The following CSNK1G3 variants were observed in gnomAD, a reference collection of about 807,000 sequenced individuals.
The protein encoded by CSNK1G3 is casein kinase 1 gamma 3.
Under a neutral mutation model 64.3 loss-of-function variants are expected in CSNK1G3, and 23 were observed. The observed-to-expected ratio is 0.36, with a 90% confidence interval of 0.26 to 0.51. The LOEUF is 0.51. CSNK1G3 is among the 20% of genes least tolerant of loss of function. CSNK1G3 has a pLI of 0.96. For synonymous variants in CSNK1G3, 158 were observed against 162.2 expected (o/e 0.97, Z 0.20); for missense variants, 357 against 510.5 (o/e 0.70, Z 2.90).
chr5:123,591,080 A>G lies in CSNK1G3; in HGVS notation c.991-239A>G, dbSNP rs1002840872. ...GCAGCATTAAGTGTTCTGTAGATGT[A>G]AAAATAAGTACTTTATAAAGAATTT... On this transcript the variant is annotated intron_variant, in intron 9 of 12. Transcript: ENST00000345990. Among the ~76,000 whole-genome samples, 99 of 152,214 alleles carry G rather than the reference A, an allele frequency of 6.5e-4. 2 individuals are homozygous for G. Among genetic ancestry groups the G allele is most frequent in the Admixed American group, 6.3e-3 (97 of 15,276 alleles).
intron 1 of CSNK1G3, among the ~76,000 whole-genome samples, chr5:123,543,648 T>C (rs2150239363): frequency 6.6e-6 from 1 of 152,302 alleles, no homozygotes; most frequent in East Asian, 1.9e-4. Flanking sequence ...AGGAAATTGC[T>C]CCTAGCCAGA....
chr5:123,560,655 A>G (rs983936754), intron 4 of CSNK1G3, among the ~76,000 whole-genome samples: 2 of 152,192 alleles, frequency 1.3e-5, no homozygotes, highest in Non-Finnish European at 2.9e-5. Flanking sequence ...CAAGGCTGCA[A>G]TGAGCTTTGA....
chr5:123,588,975 CTG>C (rs1357222736), intron 8 of CSNK1G3, among the ~76,000 whole-genome samples: 1 of 151,942 alleles, frequency 6.6e-6, no homozygotes, highest in Non-Finnish European at 1.5e-5. Context: ...TATTGGGGAG[CTG>C]TATGCATTTA....
chr5:123,559,885 G>A (rs953665964), intron 4 of CSNK1G3, among the ~76,000 whole-genome samples: 36 of 151,906 alleles, frequency 2.4e-4, no homozygotes, highest in Admixed American at 2.4e-3. Flanking sequence ...TTATAAACGG[G>A]CTATTTAGAG....
chr5:123,612,333 A>T (rs1335238480), intron 12 of CSNK1G3, among the ~76,000 whole-genome samples: 4 of 152,238 alleles, frequency 2.6e-5, no homozygotes, highest in Non-Finnish European at 4.4e-5. Context: ...ATTATTTTTG[A>T]CTAAAGATAA....
chr5:123,575,569 T>C (rs1161008595), intron 5 of CSNK1G3, among the ~76,000 whole-genome samples, 160 bp from the exon 6 acceptor site: 2 of 152,232 alleles, frequency 1.3e-5, no homozygotes, highest in East Asian at 1.9e-4. Context: ...CAATTTGCTA[T>C]GTGAAGAATG....
intron 2 of CSNK1G3, among the ~76,000 whole-genome samples, chr5:123,549,174 G>T (rs866001063): frequency 7.2e-5 from 11 of 152,302 alleles, no homozygotes; most frequent in Middle Eastern, 3.4e-3. Flanking sequence ...AGTAAGGTTT[G>T]CATTCTGCCA....
intron 1 of CSNK1G3, among the ~76,000 whole-genome samples, chr5:123,537,670 C>A (rs1244967880): frequency 6.6e-6 from 1 of 151,978 alleles, no homozygotes; most frequent in Non-Finnish European, 1.5e-5. Flanking sequence ...TGTATGGGGG[C>A]AGTTGTTTTT....
intron 10 of CSNK1G3, among the ~76,000 whole-genome samples, chr5:123,603,271 T>A (rs1019739653): frequency 1.3e-5 from 2 of 151,340 alleles, no homozygotes; most frequent in African/African-American, 4.9e-5. Flanking sequence ...AGTTATATAT[T>A]TTTTTTTTCC....
intron 6 of CSNK1G3, among the ~76,000 whole-genome samples, chr5:123,576,184 CTG>C (rs1311403897): frequency 6.6e-5 from 10 of 152,084 alleles, no homozygotes; most frequent in Non-Finnish European, 5.9e-5. Flanking sequence ...TTTACATTCA[CTG>C]TATTTTTTGT....
At chr5:123,593,472 G>A (rs914708669) in intron 10 of CSNK1G3, among the ~76,000 whole-genome samples, 1 of 151,862 alleles carries the variant, frequency 6.6e-6, no homozygotes, top group Admixed American at 6.6e-5. Context: ...TAAGTTGAGG[G>A]GATCCTGAAA....
At chr5:123,541,120 T>C (rs1456332796) in intron 1 of CSNK1G3, among the ~76,000 whole-genome samples, 1 of 152,230 alleles carries the variant, frequency 6.6e-6, no homozygotes, top group Non-Finnish European at 1.5e-5. Context: ...TACATACTGA[T>C]ATTTTGTCTT....
At chr5:123,604,602 ACTTT>A (rs1795027142) in intron 10 of CSNK1G3, 118 bp from the exon 12 acceptor site, 1 of 520,324 alleles carries the variant, frequency 1.9e-6, no homozygotes, top group Non-Finnish European at 3.4e-6. Context: ...CCTCACATTA[ACTTT>A]CTAATTGAAA....
chr5:123,546,033 T>A (rs1034577040), intron 2 of CSNK1G3, 192 bp downstream of exon 2: 2 of 535,936 alleles, frequency 3.7e-6, no homozygotes, highest in African/African-American at 3.8e-5. Flanking sequence ...TATAGGAGTG[T>A]CTACTTTAGC....
At chr5:123,530,429 C>T (rs1368327449) in intron 1 of CSNK1G3, among the ~76,000 whole-genome samples, 1 of 152,092 alleles carries the variant, frequency 6.6e-6, no homozygotes, top group Non-Finnish European at 1.5e-5. Context: ...AATACAGTAG[C>T]TTTTAAACTG....
intron 1 of CSNK1G3, among the ~76,000 whole-genome samples, chr5:123,524,622 C>A (rs1295399779): frequency 6.6e-6 from 1 of 151,994 alleles, no homozygotes; most frequent in African/African-American, 2.4e-5. Flanking sequence ...CTTCTCATTT[C>A]TTTTCCTCTT....
intron 1 of CSNK1G3, among the ~76,000 whole-genome samples, chr5:123,532,446 A>G (rs1278916905): frequency 6.6e-6 from 1 of 151,896 alleles, no homozygotes; most frequent in Non-Finnish European, 1.5e-5. Flanking sequence ...GCTTCTAAGA[A>G]TATATTTATA....
chr5:123,557,508 C>A lies in CSNK1G3; in HGVS notation c.233C>A (p.Ser78Ter). 1.2e-6 allele frequency: 2 copies of A among 1,608,230 alleles called. No individual in the cohort carries two copies. Among genetic ancestry groups the A allele is most frequent in the Non-Finnish European group, 1.7e-6 (2 of 1,177,482 alleles). ...TTTTTCAATTAGGAGCCCATGAAAT[C>A]AAGAGCACCACAGCTACATTTGGAA... The change falls in exon 4 of 13, where the codon TCA (serine) becomes TAA (stop). Residue 78 changes from serine (S) to a stop codon, truncating the protein, a stop_gained. Transcript: ENST00000345990. LOFTEE classifies it high-confidence loss of function.
At chr5:123,514,098 A>ACATAAAG (rs1488324152) in intron 1 of CSNK1G3, among the ~76,000 whole-genome samples, 2 of 152,250 alleles carry the variant, frequency 1.3e-5, no homozygotes, top group Non-Finnish European at 2.9e-5. Flanking sequence ...AGCAGAATGT[A>ACATAAAG]CAGACACTTC....
Sources: allele counts gnomAD v4.1 joint callset (sites outside exome capture counted in the v4.1 genomes callset), GRCh38; gene constraint gnomAD v4.1.1; transcripts MANE v1.5; gene names NCBI Gene and HGNC (gene_info 2026-07-23, HGNC 2026-07-21).